The following LCE4A variants were observed in gnomAD, a reference collection of about 807,000 sequenced individuals.
The protein encoded by LCE4A is late cornified envelope 4A.
For synonymous variants in LCE4A, 41 were observed against 42.3 expected, an observed-to-expected ratio of 0.97 and a Z score of 0.12; for missense variants, 110 against 111.3, an observed-to-expected ratio of 0.99 and a Z score of 0.05.
rs73011196 is a variant in LCE4A, at chr1:152,709,409, G to C, written c.*34G>C. 2.2e-3 allele frequency: 3,267 copies of C among 1,511,230 alleles called. 49 individuals are homozygous for C. In the African/African-American group the frequency reaches 0.037, roughly 17 times the overall value. 93.6% of individuals were successfully genotyped at this position (1,511,230 alleles called of 1,614,324 possible). A position where few individuals can be genotyped will look rare whatever the true frequency, so the allele number is the denominator to read the frequency against. ...AGGAGCAGCACCAAAGGAATTAGTG[G>C]GCGAAGGACCCATTGCAGCCTGGTG... On this transcript the variant is annotated 3_prime_UTR_variant, in exon 2 of 2. Coordinates refer to ENST00000368777, the MANE Select transcript of LCE4A (RefSeq NM_001387222.1).
At chr1:152,708,963 C>T in intron 1 of LCE4A, 92 bp from the exon 2 acceptor site, 3 of 771,078 alleles carry the variant, frequency 3.9e-6, no homozygotes, top group South Asian at 1.8e-5. Flanking sequence ...AGATATTCCT[C>T]TTCATCACCT....
At position 152,709,205 on chromosome 1, in the gene LCE4A, A is replaced by AGCTCTGGGGGCTGCTGTG. The variant is rs33921874; in HGVS notation, c.143_144insCTGTGGCTCTGGGGGCTG (p.Cys48_Gly49insCysGlySerGlyGlyCys). The AGCTCTGGGGGCTGCTGTG allele has an allele frequency of 4.8e-6, 7 of 1,471,618 alleles. No individual in the cohort carries two copies. The highest frequency in any genetic ancestry group is 6.3e-6 in the Non-Finnish European group (7 of 1,117,824). 91.2% of individuals were successfully genotyped at this position (1,471,618 alleles called of 1,614,324 possible). A position where few individuals can be genotyped will look rare whatever the true frequency, so the allele number is the denominator to read the frequency against. On this transcript the variant is annotated inframe_insertion, in exon 2 of 2. Transcript: ENST00000368777. ...TCCAATCTCTTCCTGCTGTGGCTCC[A>AGCTCTGGGGGCTGCTGTG]GCTCTGGGGGCTGTGGTTGCTGCAG...
rs769955094 is a variant in LCE4A at position 152,709,295 on chromosome 1, A to G, written c.220A>G (p.Lys74Glu). 5 of 1,613,988 alleles carry G rather than the reference A, an allele frequency of 3.1e-6. No individual in the cohort carries two copies. Among genetic ancestry groups the G allele is most frequent in the Non-Finnish European group, 4.2e-6 (5 of 1,179,900 alleles). The change falls in exon 2 of 2, where the codon AAG becomes GAG. Residue 74 changes from lysine to glutamate, a missense_variant. Coordinates refer to ENST00000368777, the MANE Select transcript of LCE4A (RefSeq NM_001387222.1). ...CCATAGGTCCCACTGCCACAGACCC[A>G]AGAGCTCCAATTGCTATGGCAGTGG... Reference protein sequence around the residue: ...RHHRSHCHRPKSSNCYGSGSG... With the variant: ...RHHRSHCHRPESSNCYGSGSG...
Position 152,709,218 on chromosome 1 carries a change from G to GCTGTAGCTC in LCE4A, c.143_144insCTGTAGCTC (p.Cys48_Gly49insCysSerSer), listed in dbSNP as rs1649746686. 6.2e-7 allele frequency: 1 copy of GCTGTAGCTC among 1,613,748 alleles called. No individual in the cohort carries two copies. Among genetic ancestry groups the GCTGTAGCTC allele is most frequent in the Non-Finnish European group, 8.5e-7 (1 of 1,179,736 alleles). ...TGCTGTGGCTCCAGCTCTGGGGGCT[G>GCTGTAGCTC]TGGTTGCTGCAGCTCTGAGGGAGGT... On this transcript the variant is annotated inframe_insertion, in exon 2 of 2. Coordinates refer to ENST00000368777, the MANE Select transcript of LCE4A (RefSeq NM_001387222.1).
Position 152,709,036 on chromosome 1 carries a change from T to C in LCE4A, c.-21-19T>C, listed in dbSNP as rs1649736604. 6.7e-6 allele frequency: 10 copies of C among 1,500,930 alleles called. No homozygotes were observed. Among genetic ancestry groups the C allele is most frequent in the Non-Finnish European group, 9.2e-6 (10 of 1,089,810 alleles). 93.0% of individuals were successfully genotyped at this position (1,500,930 alleles called of 1,614,324 possible). A position where few individuals can be genotyped will look rare whatever the true frequency, so the allele number is the denominator to read the frequency against. ...TCTTGATATTAAGTTTCTGTATATG[T>C]TTCTATTTTGTCATTCAGGTTTATC... is the stretch of plus-strand genomic sequence containing the variant. On this transcript the variant is annotated intron_variant, in intron 1 of 1. Transcript: ENST00000368777.
At position 152,709,157 on chromosome 1, in the gene LCE4A, A is replaced by C; in HGVS notation, c.82A>C (p.Lys28Gln). 1 of 1,613,672 alleles carries C rather than the reference A, an allele frequency of 6.2e-7. No individual in the cohort carries two copies. Among genetic ancestry groups the C allele is most frequent in the Middle Eastern group, 1.6e-4 (1 of 6,062 alleles). ...IPKYPPKCPS[K>Q]CASSCPPPIS... ...CAAGTATCCCCCAAAATGTCCCTCA[A>C]AGTGTGCATCCTCATGCCCACCTCC... The change falls in exon 2 of 2, where the codon AAG becomes CAG. Residue 28 changes from lysine (K) to glutamine (Q), a missense_variant. Physicochemically the swap from Lys to Gln is moderately conservative, Grantham distance 53. Transcript: ENST00000368777.
Position 152,709,299 on chromosome 1 carries a change from G to A in LCE4A, c.224G>A (p.Ser75Asn), listed in dbSNP as rs1570809273. 6.2e-7 allele frequency: 1 copy of A among 1,613,898 alleles called. No individual in the cohort carries two copies. The highest frequency in any genetic ancestry group is 8.5e-7 in the Non-Finnish European group (1 of 1,179,820). Reference protein sequence around the residue: ...HHRSHCHRPKSSNCYGSGSGQ... With the variant: ...HHRSHCHRPKNSNCYGSGSGQ... The stretch of plus-strand genomic sequence containing the variant: ...AGGTCCCACTGCCACAGACCCAAGA[G>A]CTCCAATTGCTATGGCAGTGGCAGT... The change falls in exon 2 of 2, where the codon AGC becomes AAC. Residue 75 changes from serine to asparagine, a missense_variant. Ser to Asn is a conservative substitution (Grantham distance 46, BLOSUM62 1). Coordinates refer to ENST00000368777, the MANE Select transcript of LCE4A (RefSeq NM_001387222.1).
In LCE4A at chr1:152,709,243, T is replaced by A. The variant is rs141839549; in HGVS notation, c.168T>A (p.Gly56=). ...GGCGCCSSEG[G]GCCLSHHRHH... ...GTGGTTGCTGCAGCTCTGAGGGAGG[T>A]GGCTGCTGCCTGAGCCACCACAGAC... is the stretch of plus-strand genomic sequence containing the variant. Residue 56 remains glycine, a synonymous_variant, in exon 2 of 2, where the codon GGT becomes GGA. Coordinates refer to ENST00000368777, the MANE Select transcript of LCE4A (RefSeq NM_001387222.1). The A allele has an allele frequency of 2.9e-6, 3 of 1,016,994 alleles. No individual in the cohort carries two copies. The highest frequency in any genetic ancestry group is 4.0e-6 in the Non-Finnish European group (3 of 745,030). 63.0% of individuals were successfully genotyped at this position (1,016,994 alleles called of 1,614,324 possible).
In LCE4A at chr1:152,709,257, G is replaced by A. The variant is rs1649748589; in HGVS notation, c.182G>A (p.Ser61Asn). 6.2e-7 allele frequency: 1 copy of A among 1,614,092 alleles called. No individual in the cohort carries two copies. Among genetic ancestry groups the A allele is most frequent in the Admixed American group, 1.7e-5 (1 of 60,026 alleles). ...TCTGAGGGAGGTGGCTGCTGCCTGAGCCACCACAGACACCATAGGTCCCAC... is the reference window on the plus strand; with the variant it reads ...TCTGAGGGAGGTGGCTGCTGCCTGAACCACCACAGACACCATAGGTCCCAC... The part of the protein sequence containing the change: ...CSSEGGGCCL[S>N]HHRHHRSHCH... The change falls in exon 2 of 2, where the codon AGC becomes AAC. Residue 61 changes from serine to asparagine, a missense_variant. By Grantham distance (46) the Ser-to-Asn change is conservative. Coordinates refer to ENST00000368777, the MANE Select transcript of LCE4A (RefSeq NM_001387222.1).
Position 152,709,297 on chromosome 1 carries a change from GA to G in LCE4A, c.223del (p.Ser75AlafsTer36). ...HHRSHCHRPK[S>X]SNCYGSGSGQ... ...ATAGGTCCCACTGCCACAGACCCAA[GA>G]GCTCCAATTGCTATGGCAGTGGCAG... On this transcript the variant is annotated frameshift_variant, in exon 2 of 2. Transcript: ENST00000368777. LOFTEE classifies it low-confidence loss of function (END_TRUNC). The G allele has an allele frequency of 6.2e-7, 1 of 1,614,000 alleles. No individual in the cohort carries two copies. Among genetic ancestry groups the G allele is most frequent in the Non-Finnish European group, 8.5e-7 (1 of 1,179,904 alleles).
Position 152,709,341 on chromosome 1 carries a change from G to A in LCE4A, c.266G>A (p.Gly89Asp), listed in dbSNP as rs772628020. Residue 89 changes from glycine to aspartate, a missense_variant, in exon 2 of 2, where the codon GGT (glycine) becomes GAT (aspartate). Transcript: ENST00000368777. ...AGTGGCAGTGGCCAGCAGTCTGGGG[G>A]TTCTGGCTGCTGCTCTGGAGGGGGC... The part of the protein sequence containing the change: ...YGSGSGQQSG[G>D]SGCCSGGGCC The A allele has an allele frequency of 3.1e-6, 5 of 1,604,540 alleles. No individual in the cohort carries two copies. Among genetic ancestry groups the A allele is most frequent in the Non-Finnish European group, 4.3e-6 (5 of 1,174,180 alleles).
At position 152,709,430 on chromosome 1, in the gene LCE4A, T is replaced by A. The variant is rs1487223354; in HGVS notation, c.*55T>A. 10 of 1,444,388 alleles carry A rather than the reference T, an allele frequency of 6.9e-6. No homozygotes were observed. The highest frequency in any genetic ancestry group is 9.3e-6 in the Non-Finnish European group (10 of 1,077,882). 89.5% of individuals were successfully genotyped at this position (1,444,388 alleles called of 1,614,324 possible). The stretch of plus-strand genomic sequence containing the variant: ...AGTGGGCGAAGGACCCATTGCAGCC[T>A]GGTGTTTTACCTCCTTCACTCTCTT... On this transcript the variant is annotated 3_prime_UTR_variant, in exon 2 of 2. Coordinates refer to ENST00000368777, the MANE Select transcript of LCE4A (RefSeq NM_001387222.1).
rs1218804875 is a variant in LCE4A, at chr1:152,709,377, C to T, written c.*2C>T. The T allele has an allele frequency of 6.4e-7, 1 of 1,566,092 alleles. No homozygotes were observed. On this transcript the variant is annotated 3_prime_UTR_variant, in exon 2 of 2. Transcript: ENST00000368777. Reference sequence around the variant, plus strand: ...TGCTCTGGAGGGGGCTGTTGCTGACCTGGACCAGGAGCAGCACCAAAGGAA... The same window carrying T: ...TGCTCTGGAGGGGGCTGTTGCTGACTTGGACCAGGAGCAGCACCAAAGGAA...
In LCE4A at chr1:152,708,988, A is replaced by T. The variant is rs1649735206; in HGVS notation, c.-21-67A>T. ...CTTCATCACCTTGGGGGAGGATTTT[A>T]AAATAAAAAAAAATGTAATGGCTCT... On this transcript the variant is annotated intron_variant, in intron 1 of 1. Transcript: ENST00000368777. 2.8e-6 allele frequency: 3 copies of T among 1,081,152 alleles called. No homozygotes were observed. The South Asian group carries it at 4.6e-5, about 17-fold the overall frequency. 67.0% of individuals were successfully genotyped at this position (1,081,152 alleles called of 1,614,324 possible).
At chr1:152,708,948 A>G (rs114339676) in intron 1 of LCE4A, 107 bp from the exon 2 acceptor site, 384 of 688,946 alleles carry the variant, frequency 5.6e-4, no homozygotes, top group Non-Finnish European at 7.9e-4. Context: ...ACATGTCCAT[A>G]TTTTAGATAT....
chr1:152,709,333 G>A lies in LCE4A; in HGVS notation c.258G>A (p.Gln86=), dbSNP rs768635765. Residue 86 remains glutamine, a synonymous_variant, in exon 2 of 2, where the codon CAG becomes CAA. Coordinates refer to ENST00000368777, the MANE Select transcript of LCE4A (RefSeq NM_001387222.1). The part of the protein sequence containing the change: ...SNCYGSGSGQ[Q]SGGSGCCSGG... The stretch of plus-strand genomic sequence containing the variant: ...GCTATGGCAGTGGCAGTGGCCAGCA[G>A]TCTGGGGGTTCTGGCTGCTGCTCTG... The A allele has an allele frequency of 1.2e-6, 2 of 1,606,904 alleles. No homozygotes were observed. The highest frequency in any genetic ancestry group is 2.2e-5 in the South Asian group (2 of 90,278).
chr1:152,709,073 A>G lies in LCE4A; in HGVS notation c.-3A>G, dbSNP rs752360912. On this transcript the variant is annotated 5_prime_UTR_variant, in exon 2 of 2. Coordinates refer to ENST00000368777, the MANE Select transcript of LCE4A (RefSeq NM_001387222.1). ...CATTCAGGTTTATCGAAATCCCACC[A>G]AGATGTCCTGCCAGCAGAACCAACA... The G allele has an allele frequency of 5.6e-6, 9 of 1,611,386 alleles. No individual in the cohort carries two copies. The East Asian group carries it at 1.6e-4, about 28-fold the overall frequency.
rs200049205 is a variant in LCE4A at position 152,708,992 on chromosome 1, TA to T, written c.-21-54del. The T allele has an allele frequency of 8.7e-4, 955 of 1,098,260 alleles. 1 individual carries two copies. The highest frequency in any genetic ancestry group is 1.2e-3 in the Middle Eastern group (6 of 4,806). The allele number at this position is 1,098,260 out of a possible 1,614,324, so 68.0% of individuals were successfully genotyped here. A position where few individuals can be genotyped will look rare whatever the true frequency, so the allele number is the denominator to read the frequency against. The stretch of plus-strand genomic sequence containing the variant: ...ATCACCTTGGGGGAGGATTTTAAAA[TA>T]AAAAAAAATGTAATGGCTCTTGATA... On this transcript the variant is annotated intron_variant, in intron 1 of 1. Coordinates refer to ENST00000368777, the MANE Select transcript of LCE4A (RefSeq NM_001387222.1).
In LCE4A at chr1:152,709,082, T is replaced by G. The variant is rs763749033; in HGVS notation, c.7T>G (p.Cys3Gly). 7 of 1,612,406 alleles carry G rather than the reference T, an allele frequency of 4.3e-6. No homozygotes were observed. Among genetic ancestry groups the G allele is most frequent in the Non-Finnish European group, 5.9e-6 (7 of 1,179,004 alleles). Residue 3 changes from cysteine (C) to glycine (G), a missense_variant, in exon 2 of 2, where the codon TGC becomes GGC. By Grantham distance (159) the Cys-to-Gly change is radical (BLOSUM62 -3). Transcript: ENST00000368777. Reference sequence around the variant, plus strand: ...TTATCGAAATCCCACCAAGATGTCCTGCCAGCAGAACCAACAGCAGTGCCA... The same window carrying G: ...TTATCGAAATCCCACCAAGATGTCCGGCCAGCAGAACCAACAGCAGTGCCA... MS[C>G]QQNQQQCQPP... is the part of the protein sequence containing the mutation.
Sources: allele counts gnomAD v4.1 joint callset, GRCh38; gene constraint gnomAD v4.1.1; transcripts MANE v1.5; gene names NCBI Gene and HGNC (gene_info 2026-07-23, HGNC 2026-07-21).